Variants in TNFAIP8L3 observed in about 807,000 individuals in gnomAD.
TNFAIP8L3 encodes tumor necrosis factor alpha-induced protein 8-like protein 3.
Under a neutral mutation model 11.8 loss-of-function variants are expected in TNFAIP8L3, and 7 were observed. The ratio of observed to expected loss-of-function variants is 0.59; its 90% CI spans 0.34 to 1.11. The LOEUF is 1.11. TNFAIP8L3 is among the 50% of genes most tolerant of loss of function. The probability of loss-of-function intolerance (pLI) is 0.03; values close to 1 mark genes in which losing one functional copy is unlikely to be tolerated. For missense variants in TNFAIP8L3, 219 were observed against 258.6 expected (o/e 0.85, Z 1.05); for synonymous variants, 98 against 103.8 (o/e 0.94, Z 0.34).
intron 1 of TNFAIP8L3, among the ~76,000 whole-genome samples, chr15:51,077,704 T>A (rs552117721): frequency 6.6e-6 from 1 of 152,354 alleles, no homozygotes; most frequent in East Asian, 1.9e-4. Context: ...CACCCTTGTC[T>A]GCCCTCCCTT....
At chr15:51,075,918 G>C (rs926439970) in intron 1 of TNFAIP8L3, among the ~76,000 whole-genome samples, 13 of 152,190 alleles carry the variant, frequency 8.5e-5, no homozygotes, top group Non-Finnish European at 1.9e-4. Flanking sequence ...AGCTGTACTT[G>C]AGAGGTCAGA....
chr15:51,087,303 G>T (rs1230118359), intron 1 of TNFAIP8L3, among the ~76,000 whole-genome samples: 1 of 152,168 alleles, frequency 6.6e-6, no homozygotes, highest in Non-Finnish European at 1.5e-5. Context: ...TGCCACAGAG[G>T]CCTGCTGGGC....
At chr15:51,077,216 C>G (rs894699452) in intron 1 of TNFAIP8L3, among the ~76,000 whole-genome samples, 19 of 152,226 alleles carry the variant, frequency 1.2e-4, no homozygotes, top group Non-Finnish European at 2.4e-4. Context: ...AGCGTGCGGT[C>G]AGCAGGCGTC....
chr15:51,080,045 CTG>C (rs2065380925), intron 1 of TNFAIP8L3, among the ~76,000 whole-genome samples: 1 of 152,150 alleles, frequency 6.6e-6, no homozygotes, highest in African/African-American at 2.4e-5. Context: ...CATGCTTACA[CTG>C]TTAATTCTTG....
In TNFAIP8L3 at chr15:51,057,893, C is replaced by G. The variant is rs200888133; in HGVS notation, c.603G>C (p.Glu201Asp). 58 of 1,576,586 alleles carry G rather than the reference C, an allele frequency of 3.7e-5. No individual in the cohort carries two copies. Among genetic ancestry groups the G allele is most frequent in the Non-Finnish European group, 5.0e-5 (58 of 1,161,714 alleles). The change falls in exon 2 of 2, where the codon GAG becomes GAC. Residue 201 changes from glutamate (E) to aspartate (D), a missense_variant. Physicochemically the swap from Glu to Asp is conservative, Grantham distance 45 (BLOSUM62 2). Transcript: ENST00000637513. The stretch of plus-strand genomic sequence containing the variant: ...GGAGGGAAGGCATTTAAAGGACTTT[C>G]TCATCTAGCAACTTATTGATTCCTT... ...ICEGINKLLD[E>D]KVL
At position 51,101,000 on chromosome 15, in the gene TNFAIP8L3, A is replaced by G. The variant is rs746175112; in HGVS notation, c.172+4005T>C. 8.5e-5 allele frequency among the ~76,000 whole-genome samples: 13 copies of G among 152,214 alleles called. 1 individual carries two copies. Among genetic ancestry groups the G allele is most frequent in the Non-Finnish European group, 1.0e-4 (7 of 68,028 alleles). ...TACTAGCTGTTTTCTAGCTGGATAC[A>G]GCCAGTGGGAGGCACTGGCAGAAGA... On this transcript the variant is annotated intron_variant, in intron 1 of 2. Transcript: ENST00000327536.
intron 1 of TNFAIP8L3, among the ~76,000 whole-genome samples, chr15:51,093,379 A>G (rs186692528): frequency 3.3e-5 from 5 of 152,248 alleles, no homozygotes; most frequent in Admixed American, 2.6e-4. Flanking sequence ...CCTTTACTCT[A>G]TGGGAATCTC....
chr15:51,101,834 T>C (rs2140987125), intron 1 of TNFAIP8L3, among the ~76,000 whole-genome samples: 1 of 148,864 alleles, frequency 6.7e-6, no homozygotes. Flanking sequence ...TAGTCCCAGC[T>C]ACTCGGGAGG....
rs140833369 is a variant in TNFAIP8L3, at chr15:51,105,189, G to C, written c.-13C>G. ...GTGGTTTCCCCATTTGGACTCAGGT[G>C]TCCTTCTTGGGACAGTAGCCCTAAC... is the stretch of plus-strand genomic sequence containing the variant. On this transcript the variant is annotated 5_prime_UTR_variant, in exon 1 of 3. Transcript: ENST00000327536. The C allele has an allele frequency of 5.9e-5, 95 of 1,612,552 alleles. No individual in the cohort carries two copies. In the East Asian group the frequency reaches 2.1e-3, roughly 36 times the overall value.
At chr15:51,103,147 C>G (rs2065565790) in intron 1 of TNFAIP8L3, among the ~76,000 whole-genome samples, 1 of 152,192 alleles carries the variant, frequency 6.6e-6, no homozygotes, top group African/African-American at 2.4e-5. Flanking sequence ...AAACGGATCC[C>G]TCCCTTCGGT....
chr15:51,103,285 C>A (rs1405119897), intron 1 of TNFAIP8L3, among the ~76,000 whole-genome samples: 1 of 152,214 alleles, frequency 6.6e-6, no homozygotes, highest in Non-Finnish European at 1.5e-5. Context: ...TAGTAAGACA[C>A]CTGGGCCTCT....
intron 1 of TNFAIP8L3, among the ~76,000 whole-genome samples, chr15:51,085,930 G>C (rs2065424393): frequency 6.6e-6 from 1 of 151,858 alleles, no homozygotes; most frequent in South Asian, 2.1e-4. Flanking sequence ...CACTTTTTTG[G>C]TCAGAAAATA....
At chr15:51,101,946 A>C (rs2065555256) in intron 1 of TNFAIP8L3, among the ~76,000 whole-genome samples, 1 of 42,690 alleles carries the variant, frequency 2.3e-5, no homozygotes, top group Non-Finnish European at 4.7e-5. Flanking sequence ...ACTCTGTCTC[A>C]AAAAAAAAAA....
intron 1 of TNFAIP8L3, among the ~76,000 whole-genome samples, chr15:51,087,532 T>C (rs1191535194): frequency 6.6e-6 from 1 of 152,204 alleles, no homozygotes; most frequent in Non-Finnish European, 1.5e-5. Flanking sequence ...CTTCCTTTCA[T>C]GGCCAGAATA....
At chr15:51,068,575 C>T (rs2065286807) in intron 1 of TNFAIP8L3, among the ~76,000 whole-genome samples, 2 of 151,768 alleles carry the variant, frequency 1.3e-5, no homozygotes, top group Non-Finnish European at 2.9e-5. Flanking sequence ...AAAGTGGATT[C>T]TCTATTCACT....
At chr15:51,067,469 G>A (rs568024443) in intron 1 of TNFAIP8L3, among the ~76,000 whole-genome samples, 41 of 152,182 alleles carry the variant, frequency 2.7e-4, no homozygotes, top group African/African-American at 9.2e-4. Context: ...CTGGTGGGGT[G>A]CAAAAAATGG....
chr15:51,060,624 G>A (rs1774151567), intron 1 of TNFAIP8L3, among the ~76,000 whole-genome samples: 1 of 152,218 alleles, frequency 6.6e-6, no homozygotes, highest in African/African-American at 2.4e-5. Flanking sequence ...CCCAATGCCT[G>A]GCACACTGGC....
intron 1 of TNFAIP8L3, among the ~76,000 whole-genome samples, chr15:51,073,666 C>A (rs547624973): frequency 2.6e-5 from 4 of 152,254 alleles, no homozygotes; most frequent in African/African-American, 9.6e-5. Flanking sequence ...CCCCCTATTT[C>A]TTTTTCCTGC....
chr15:51,087,109 C>T (rs907369267), intron 1 of TNFAIP8L3, among the ~76,000 whole-genome samples: 14 of 152,156 alleles, frequency 9.2e-5, no homozygotes, highest in Admixed American at 5.9e-4. Context: ...CTCAGGTGAT[C>T]CACCCGCCTC....
Sources: allele counts gnomAD v4.1 joint callset (sites outside exome capture counted in the v4.1 genomes callset), GRCh38; gene constraint gnomAD v4.1.1; transcripts MANE v1.5; gene names NCBI Gene and HGNC (gene_info 2026-07-23, HGNC 2026-07-21).